Variants in WWP2 observed in about 807,000 individuals in gnomAD.
WWP2 encodes the protein WW domain containing E3 ubiquitin protein ligase 2, also known as NEDD4-like E3 ubiquitin-protein ligase WWP2.
In WWP2, 57 loss-of-function variants were observed where a neutral mutation model predicts 121.0. The ratio of observed to expected loss-of-function variants is 0.47; its 90% CI spans 0.38 to 0.59. The LOEUF (loss-of-function observed/expected upper bound fraction) is 0.59, where lower values mean the gene tolerates loss of function less well. WWP2 is among the 20% of genes least tolerant of loss of function. The probability of loss-of-function intolerance (pLI) is 0.00; values close to 1 mark genes in which losing one functional copy is unlikely to be tolerated. For missense variants in WWP2, 962 were observed against 1,158.9 expected (o/e 0.83, Z 2.47); for synonymous variants, 449 against 441.3 (o/e 1.02, Z -0.22).
chr16:69,842,091 C>A lies in WWP2; in HGVS notation c.546C>A (p.Pro182=). ...AVAPENRHQP[P]STNCFGGRSR... ...CTCCAGAGAACCGGCACCAGCCCCC[C>A]AGCACAAACTGCTTTGGTGGAAGAT... Residue 182 remains proline, a synonymous_variant, in exon 6 of 24, where the codon CCC becomes CCA. Transcript: ENST00000359154. 1 of 1,613,328 alleles carries A rather than the reference C, an allele frequency of 6.2e-7. No individual in the cohort carries two copies. Among genetic ancestry groups the A allele is most frequent in the South Asian group, 1.1e-5 (1 of 90,932 alleles).
At chr16:69,926,330 C>T (rs1273763943) in intron 11 of WWP2, among the ~76,000 whole-genome samples, 1 of 152,162 alleles carries the variant, frequency 6.6e-6, no homozygotes, top group African/African-American at 2.4e-5. Flanking sequence ...CGGGAACCAG[C>T]ATGTGTTGGG....
chr16:69,801,569 C>T (rs2056167672), intron 4 of WWP2, among the ~76,000 whole-genome samples: 1 of 152,056 alleles, frequency 6.6e-6, no homozygotes, highest in African/African-American at 2.4e-5. Flanking sequence ...TGGGATCTCC[C>T]TATATTGCTC....
At chr16:69,825,631 G>GT (rs1261596251) in intron 4 of WWP2, among the ~76,000 whole-genome samples, 1,837 of 140,940 alleles carry the variant, frequency 0.013, 16 homozygotes, top group African/African-American at 0.021. Context: ...TTTTTTTTTG[G>GT]TTTTTTTTTT....
intron 4 of WWP2, among the ~76,000 whole-genome samples, chr16:69,822,072 G>A (rs925284581): frequency 6.6e-6 from 1 of 151,706 alleles, no homozygotes; most frequent in Non-Finnish European, 1.5e-5. Context: ...TCCCTTTGTT[G>A]CCTGAGCTGG....
intron 7 of WWP2, among the ~76,000 whole-genome samples, chr16:69,882,677 G>T (rs1269184436): frequency 1.3e-5 from 2 of 152,168 alleles, no homozygotes; most frequent in Non-Finnish European, 1.5e-5. Flanking sequence ...GAAGAAGGCC[G>T]ATGTGGGCAA....
intron 5 of WWP2, among the ~76,000 whole-genome samples, chr16:69,840,470 G>A (rs1040073482): frequency 2.0e-5 from 3 of 152,194 alleles, no homozygotes; most frequent in African/African-American, 7.2e-5. Context: ...TCCAGTCTTT[G>A]TAAATATGTA....
chr16:69,936,616 G>C, intron 19 of WWP2, 164 bp downstream of exon 19: 1 of 1,012,968 alleles, frequency 9.9e-7, no homozygotes. Context: ...GGCGCGAGCT[G>C]GGGGAACCAA....
chr16:69,910,312 T>C, intron 9 of WWP2: 1 of 947,176 alleles, frequency 1.1e-6, no homozygotes. Flanking sequence ...TATAATTGTG[T>C]CACAAATTAA....
intron 1 of WWP2, among the ~76,000 whole-genome samples, chr16:69,778,132 C>G (rs987487588): frequency 6.8e-6 from 1 of 146,994 alleles, no homozygotes. Context: ...CATAGATACA[C>G]ACACACACAC....
chr16:69,806,934 T>TTTTATTTATTTA (rs745755357), intron 4 of WWP2, among the ~76,000 whole-genome samples: 5,187 of 148,320 alleles, frequency 0.035, 330 homozygotes, highest in African/African-American at 0.12. Flanking sequence ...CCTAGATCTG[T>TTTTATTTATTTA]TTTATTTATT....
Position 69,939,840 on chromosome 16 carries a change from G to A in WWP2, c.2514-1G>A. 6.2e-7 allele frequency: 1 copy of A among 1,613,250 alleles called. No homozygotes were observed. The highest frequency in any genetic ancestry group is 8.5e-7 in the Non-Finnish European group (1 of 1,179,648). On this transcript the variant is annotated splice_acceptor_variant, in intron 23 of 23. Coordinates refer to ENST00000359154, the MANE Select transcript of WWP2 (RefSeq NM_001270454.2). LOFTEE classifies it high-confidence loss of function. ...CTGTCGTGCTTCCCCACTCTCAATA[G>A]CTTCAACCGTCTGGATCTTCCACCC...
chr16:69,831,859 C>T (rs1415046113), intron 4 of WWP2, among the ~76,000 whole-genome samples: 1 of 122,910 alleles, frequency 8.1e-6, no homozygotes. Flanking sequence ...GAGACAGTGT[C>T]ACTCTGTCAC....
At chr16:69,923,795 G>A (rs2058598906) in intron 10 of WWP2, among the ~76,000 whole-genome samples, 1 of 152,170 alleles carries the variant, frequency 6.6e-6, no homozygotes, top group Non-Finnish European at 1.5e-5. Flanking sequence ...GAATACGTGT[G>A]TTTTCTCATT....
intron 1 of WWP2, among the ~76,000 whole-genome samples, chr16:69,773,481 C>T (rs1332611015): frequency 6.6e-6 from 1 of 151,580 alleles, no homozygotes; most frequent in Non-Finnish European, 1.5e-5. Context: ...GCCCAGCCAC[C>T]TTTTCTTTTT....
Position 69,935,068 on chromosome 16 carries a change from T to G in WWP2, c.1843-785T>G, listed in dbSNP as rs2151996449. On this transcript the variant is annotated intron_variant, in intron 17 of 23. Coordinates refer to ENST00000359154, the MANE Select transcript of WWP2 (RefSeq NM_001270454.2). This position sits in a 1 kb window ranked among gnomAD's most constrained non-coding sequence, Gnocchi z 5.2. The stretch of plus-strand genomic sequence containing the variant: ...AGGGAGGTCCTGCCACGTGCCCCGT[T>G]GAGGGTCCTGGGAGCGTGGAGAACC... Among the ~76,000 whole-genome samples, 1 of 152,268 alleles carries G rather than the reference T, an allele frequency of 6.6e-6. No individual in the cohort carries two copies. Among genetic ancestry groups the G allele is most frequent in the African/African-American group, 2.4e-5 (1 of 41,550 alleles).
At chr16:69,899,495 C>T (rs568450630) in intron 8 of WWP2, among the ~76,000 whole-genome samples, 8 of 152,070 alleles carry the variant, frequency 5.3e-5, no homozygotes, top group South Asian at 2.1e-4. Flanking sequence ...TTCGCGAGGC[C>T]GAGGCAGGTG....
At chr16:69,844,600 C>T (rs924090892) in intron 6 of WWP2, among the ~76,000 whole-genome samples, 15 of 152,182 alleles carry the variant, frequency 9.9e-5, no homozygotes, top group Non-Finnish European at 2.1e-4. Flanking sequence ...TGTTAAACCT[C>T]GTTTGTTGTC....
intron 9 of WWP2, chr16:69,909,600 C>T (rs1313520822): frequency 5.7e-5 from 56 of 985,222 alleles, no homozygotes; most frequent in Non-Finnish European, 6.7e-5. Context: ...TCCGTACCTC[C>T]TGGAGGATGA....
intron 7 of WWP2, among the ~76,000 whole-genome samples, chr16:69,879,089 CT>C (rs2057781836): frequency 6.6e-6 from 1 of 152,036 alleles, no homozygotes; most frequent in African/African-American, 2.4e-5. Flanking sequence ...TTAACTATTT[CT>C]TTTTTCTTGT....
Sources: allele counts gnomAD v4.1 joint callset (sites outside exome capture counted in the v4.1 genomes callset), GRCh38; gene constraint gnomAD v4.1.1; non-coding constraint Gnocchi (gnomAD v3.1); transcripts MANE v1.5; gene names NCBI Gene and HGNC (gene_info 2026-07-23, HGNC 2026-07-21).